RSRC1: variants seen among roughly 807,000 people sequenced by gnomAD.
The protein encoded by RSRC1 is serine/Arginine-related protein 53.
RSRC1 carries 39 observed loss-of-function variants against 49.1 expected under a neutral mutation model. The observed-to-expected ratio is 0.79, with a 90% CI of 0.61 to 1.04. The LOEUF (loss-of-function observed/expected upper bound fraction) is 1.04. Ranked by LOEUF, RSRC1 falls within the 50% of genes least tolerant of loss-of-function variation. RSRC1 has a pLI of 0.00. For synonymous variants in RSRC1, 143 were observed against 130.8 expected, an observed-to-expected ratio of 1.09 and a Z score of -0.63; for missense variants, 388 against 402.4, an observed-to-expected ratio of 0.96 and a Z score of 0.31.
chr3:158,351,052 G>T (rs189259028), intron 5 of RSRC1, among the ~76,000 whole-genome samples: 3 of 152,088 alleles, frequency 2.0e-5, no homozygotes, highest in Admixed American at 2.0e-4. Context: ...CACAATGAAG[G>T]CAACATAAAT....
intron 4 of RSRC1, among the ~76,000 whole-genome samples, chr3:158,215,436 A>C (rs1721898832): frequency 6.6e-6 from 1 of 151,156 alleles, no homozygotes; most frequent in Non-Finnish European, 1.5e-5. Context: ...TTAAAAATCC[A>C]TTCTGAGAGT....
intron 4 of RSRC1, among the ~76,000 whole-genome samples, chr3:158,253,639 T>C (rs1724354178): frequency 1.3e-5 from 2 of 152,158 alleles, no homozygotes; most frequent in South Asian, 4.1e-4. Flanking sequence ...CTCTACATAA[T>C]CTGTCCAGTG....
chr3:158,474,522 A>G (rs1263171019), intron 7 of RSRC1, among the ~76,000 whole-genome samples: 1 of 152,170 alleles, frequency 6.6e-6, no homozygotes, highest in African/African-American at 2.4e-5. Flanking sequence ...TAAGACAACA[A>G]TGAAGTTTGC....
chr3:158,249,865 A>G (rs956629162), intron 4 of RSRC1, among the ~76,000 whole-genome samples: 3 of 152,166 alleles, frequency 2.0e-5, no homozygotes, highest in Non-Finnish European at 1.5e-5. Flanking sequence ...TGTGTAATAA[A>G]TTATTAATTA....
At chr3:158,118,410 C>CG (rs1262627124) in intron 1 of RSRC1, among the ~76,000 whole-genome samples, 8 of 77,152 alleles carry the variant, frequency 1.0e-4, no homozygotes, top group African/African-American at 4.0e-4. Flanking sequence ...AGTACCTGGC[C>CG]TTCTGTGTGT....
At chr3:158,275,127 A>G (rs1264848773) in intron 4 of RSRC1, among the ~76,000 whole-genome samples, 1 of 152,070 alleles carries the variant, frequency 6.6e-6, no homozygotes, top group African/African-American at 2.4e-5. Context: ...TAGCTTACCA[A>G]CCTTAAGGCT....
intron 7 of RSRC1, chr3:158,469,536 A>G (rs1370129934): frequency 1.6e-5 from 3 of 192,248 alleles, no homozygotes; most frequent in Middle Eastern, 1.1e-3. Flanking sequence ...GAATGGTTAT[A>G]GCTAAAGCCT....
At chr3:158,258,459 T>C (rs889305778) in intron 4 of RSRC1, among the ~76,000 whole-genome samples, 1 of 152,022 alleles carries the variant, frequency 6.6e-6, no homozygotes, top group Admixed American at 6.6e-5. Context: ...TTCTTTTCTC[T>C]TGCTGCCTTT....
intron 4 of RSRC1, among the ~76,000 whole-genome samples, chr3:158,216,453 C>T (rs1721949533): frequency 6.6e-6 from 1 of 151,390 alleles, no homozygotes; most frequent in African/African-American, 2.4e-5. Flanking sequence ...CACCAGTTCT[C>T]AATTTTATGT....
intron 7 of RSRC1, among the ~76,000 whole-genome samples, chr3:158,499,603 A>G (rs911015780): frequency 4.6e-5 from 7 of 152,062 alleles, no homozygotes; most frequent in Admixed American, 2.0e-4. Flanking sequence ...CAGCTCCTTC[A>G]TTAGGTATAT....
chr3:158,539,005 T>C lies in RSRC1; in HGVS notation c.759+1807T>C, dbSNP rs74346550. Among the ~76,000 whole-genome samples, 9 of 152,122 alleles carry C rather than the reference T, an allele frequency of 5.9e-5. No homozygotes were observed. In the East Asian group the frequency reaches 1.7e-3, roughly 29 times the overall value. On this transcript the variant is annotated intron_variant, in intron 8 of 9. Coordinates refer to ENST00000611884, the MANE Select transcript of RSRC1 (RefSeq NM_001271838.2). The surrounding 1 kb of genome is among the most constrained non-coding windows in gnomAD (Gnocchi z 4.1). ...TCAGGATGCCCAAGAAGCTGAATTA[T>C]TAATGAGGAGATTACTTAGCAAAAG... is the stretch of plus-strand genomic sequence containing the variant.
intron 5 of RSRC1, among the ~76,000 whole-genome samples, chr3:158,337,516 G>C (rs1338913267): frequency 6.6e-6 from 1 of 152,194 alleles, no homozygotes; most frequent in Non-Finnish European, 1.5e-5. Context: ...AAATGATGAT[G>C]AGTTCCTGCA....
chr3:158,307,755 A>G (rs187600476), intron 5 of RSRC1, among the ~76,000 whole-genome samples: 2 of 151,814 alleles, frequency 1.3e-5, no homozygotes, highest in Admixed American at 1.3e-4. Flanking sequence ...CTTTCTATAT[A>G]TTTTTCTTAT....
chr3:158,234,949 A>C (rs896998591), intron 4 of RSRC1, among the ~76,000 whole-genome samples: 2 of 152,182 alleles, frequency 1.3e-5, no homozygotes, highest in African/African-American at 2.4e-5. Context: ...CAATATAGCC[A>C]ATCACAGTTT....
chr3:158,348,042 T>C (rs549971750), intron 5 of RSRC1, among the ~76,000 whole-genome samples: 1 of 152,316 alleles, frequency 6.6e-6, no homozygotes, highest in East Asian at 1.9e-4. Flanking sequence ...AATTTTAATT[T>C]TCTTTGTTAC....
chr3:158,537,870 G>A (rs147046331), intron 8 of RSRC1, among the ~76,000 whole-genome samples: 78 of 151,776 alleles, frequency 5.1e-4, no homozygotes, highest in Admixed American at 1.4e-3. Context: ...ATAATATCCT[G>A]TTGATGTCTC....
chr3:158,491,174 A>G (rs1032043689), intron 7 of RSRC1, among the ~76,000 whole-genome samples: 10 of 152,186 alleles, frequency 6.6e-5, no homozygotes, highest in Admixed American at 5.2e-4. Context: ...CCTCTTGTCT[A>G]CTAGGAAATA....
intron 4 of RSRC1, among the ~76,000 whole-genome samples, chr3:158,239,952 T>G (rs10049160): frequency 0.018 from 2,684 of 152,278 alleles, 76 homozygotes; most frequent in African/African-American, 0.062. Flanking sequence ...AATTAGCTTT[T>G]CAAGTTCCAA....
intron 5 of RSRC1, among the ~76,000 whole-genome samples, chr3:158,317,298 G>A (rs570806622): frequency 1.8e-4 from 28 of 152,174 alleles, no homozygotes; most frequent in African/African-American, 6.5e-4. Context: ...GCGTGATCTC[G>A]GCTCACTGCA....
Sources: gnomAD v4.1 joint callset for allele counts (sites outside exome capture counted in the v4.1 genomes callset) on GRCh38, gnomAD v4.1.1 for gene constraint, Gnocchi (gnomAD v3.1) non-coding constraint, MANE v1.5 for transcripts, NCBI Gene and HGNC (gene_info 2026-07-23, HGNC 2026-07-21) for gene names.